The following CCBE1 variants were observed in gnomAD, a reference collection of about 807,000 sequenced individuals.
CCBE1 encodes the protein collagen and calcium-binding EGF domain-containing protein 1.
Under a neutral mutation model 50.0 loss-of-function variants are expected in CCBE1, and 37 were observed. The observed-to-expected ratio is 0.74, with a 90% CI of 0.57 to 0.97. The LOEUF (loss-of-function observed/expected upper bound fraction) is 0.97, where lower values mean the gene tolerates loss of function less well. Among genes scored for constraint, CCBE1 ranks in the 50% least tolerant of loss-of-function variants. CCBE1 has a pLI of 0.00. For missense variants in CCBE1, 538 were observed against 523.8 expected, an observed-to-expected ratio of 1.03 and a Z score of -0.26; for synonymous variants, 234 against 203.7, an observed-to-expected ratio of 1.15 and a Z score of -1.27.
intron 2 of CCBE1, among the ~76,000 whole-genome samples, chr18:59,606,210 C>T (rs1376226810): frequency 6.6e-6 from 1 of 152,168 alleles, no homozygotes; most frequent in Non-Finnish European, 1.5e-5. Flanking sequence ...TTGCATACTC[C>T]ATGAGAGACC....
chr18:59,444,704 A>G (rs951028842), intron 7 of CCBE1, among the ~76,000 whole-genome samples: 4 of 151,728 alleles, frequency 2.6e-5, no homozygotes, highest in South Asian at 4.2e-4. Flanking sequence ...GGGTCTCCCT[A>G]TGTTTCCCAA....
intron 2 of CCBE1, among the ~76,000 whole-genome samples, chr18:59,638,409 T>C (rs1454580653): frequency 6.6e-6 from 1 of 152,212 alleles, no homozygotes; most frequent in Non-Finnish European, 1.5e-5. Flanking sequence ...GAACGGTTCT[T>C]GAAGTGTGGT....
At chr18:59,626,457 C>T (rs2053786396) in intron 2 of CCBE1, among the ~76,000 whole-genome samples, 1 of 152,210 alleles carries the variant, frequency 6.6e-6, no homozygotes, top group Admixed American at 6.5e-5. Context: ...GCAATGAACA[C>T]TTATCAGGCT....
At chr18:59,597,050 A>T (rs1229613242) in intron 2 of CCBE1, among the ~76,000 whole-genome samples, 1 of 152,242 alleles carries the variant, frequency 6.6e-6, no homozygotes, top group Non-Finnish European at 1.5e-5. Flanking sequence ...TTCCACATGC[A>T]TTTAATCTTG....
intron 2 of CCBE1, among the ~76,000 whole-genome samples, chr18:59,515,600 A>C (rs960997084): frequency 6.6e-6 from 1 of 152,230 alleles, no homozygotes; most frequent in Non-Finnish European, 1.5e-5. Context: ...AAGTTTGATG[A>C]AAATTAATTA....
rs368447218 is a variant in CCBE1, at chr18:59,562,790, TG to T, written c.213-82553del. ...GCTGTCCCTAATTCAGTGGCCTTCA[TG>T]CAGGGGGTGTGGAAAGCCTCCCTCA... On this transcript the variant is annotated intron_variant, in intron 2 of 10. Transcript: ENST00000439986. Among the ~76,000 whole-genome samples, 140 of 152,308 alleles carry T rather than the reference TG, an allele frequency of 9.2e-4. 1 individual carries two copies. The highest frequency in any genetic ancestry group is 3.0e-3 in the African/African-American group (125 of 41,568).
At chr18:59,582,101 G>A (rs2053092968) in intron 2 of CCBE1, among the ~76,000 whole-genome samples, 1 of 152,126 alleles carries the variant, frequency 6.6e-6, no homozygotes, top group Admixed American at 6.5e-5. Flanking sequence ...GTCTGCCACT[G>A]TGCCTCATAG....
At chr18:59,691,962 C>T (rs1447163622) in intron 2 of CCBE1, among the ~76,000 whole-genome samples, 1 of 150,066 alleles carries the variant, frequency 6.7e-6, no homozygotes, top group Non-Finnish European at 1.5e-5. Context: ...CAGGCTATGC[C>T]TTCCACTGGC....
intron 7 of CCBE1, among the ~76,000 whole-genome samples, chr18:59,443,838 C>A (rs1324535348): frequency 2.0e-5 from 3 of 152,082 alleles, no homozygotes. Flanking sequence ...TGCAACAGAT[C>A]TCTATAACTT....
intron 2 of CCBE1, among the ~76,000 whole-genome samples, chr18:59,644,752 G>A (rs2144653128): frequency 6.6e-6 from 1 of 152,108 alleles, no homozygotes; most frequent in Non-Finnish European, 1.5e-5. Context: ...CAGCTTTTGG[G>A]GGAACAGGTG....
chr18:59,633,507 G>A (rs1432163893), intron 2 of CCBE1, among the ~76,000 whole-genome samples: 4 of 152,150 alleles, frequency 2.6e-5, no homozygotes, highest in African/African-American at 4.8e-5. Context: ...GGCCCATGCC[G>A]AGAACAGAAC....
intron 2 of CCBE1, among the ~76,000 whole-genome samples, chr18:59,502,014 A>C (rs1913646048): frequency 6.6e-6 from 1 of 152,110 alleles, no homozygotes. Context: ...GCTCAGGCTG[A>C]TCTTAAACTC....
rs1555690344 is a variant in CCBE1, at chr18:59,543,846, A to AAAAAG, written c.213-63609_213-63608insCTTTT. ...CGAGACTCCGTCTCAAAAAAAAAAAAAAAAAAAAAAAACAGAAAACACTAA... is the reference window on the plus strand; with the variant it reads ...CGAGACTCCGTCTCAAAAAAAAAAAAAAAAGAAAAAAAAAAAACAGAAAACACTAA... On this transcript the variant is annotated intron_variant, in intron 2 of 10. Coordinates refer to ENST00000439986, the MANE Select transcript of CCBE1 (RefSeq NM_133459.4). Among the ~76,000 whole-genome samples, 137 of 140,598 alleles carry AAAAAG rather than the reference A, an allele frequency of 9.7e-4. 3 individuals are homozygous for AAAAAG. The highest frequency in any genetic ancestry group is 1.2e-3 in the Non-Finnish European group (77 of 66,150). The allele number at this position is 140,598 out of a possible 152,430, so 92.2% of individuals were successfully genotyped here. A position where few individuals can be genotyped will look rare whatever the true frequency, so the allele number is the denominator to read the frequency against.
chr18:59,552,231 C>T (rs1335951458), intron 2 of CCBE1, among the ~76,000 whole-genome samples: 3 of 152,190 alleles, frequency 2.0e-5, no homozygotes, highest in African/African-American at 7.2e-5. Context: ...GCTTCGGGCA[C>T]ATTCTACCAG....
chr18:59,493,838 G>T (rs1913224574), intron 2 of CCBE1, among the ~76,000 whole-genome samples: 1 of 152,188 alleles, frequency 6.6e-6, no homozygotes, highest in Admixed American at 6.5e-5. Flanking sequence ...AGAGCTAATT[G>T]AATCATGAGG....
intron 2 of CCBE1, among the ~76,000 whole-genome samples, chr18:59,689,235 G>A (rs1451309071): frequency 6.6e-6 from 1 of 152,178 alleles, no homozygotes; most frequent in African/African-American, 2.4e-5. Flanking sequence ...CCACGGGGCT[G>A]ACATCCGTCC....
At chr18:59,546,688 A>G (rs1033353622) in intron 2 of CCBE1, among the ~76,000 whole-genome samples, 1 of 152,160 alleles carries the variant, frequency 6.6e-6, no homozygotes, top group African/African-American at 2.4e-5. Flanking sequence ...ATCCCTTCCC[A>G]CATTATATCT....
Position 59,697,235 on chromosome 18 carries a change from T to G in CCBE1, c.108A>C (p.Arg36Ser). Residue 36 changes from arginine to serine, a missense_variant, in exon 1 of 11, where the codon AGA becomes AGC. Coordinates refer to ENST00000439986, the MANE Select transcript of CCBE1 (RefSeq NM_133459.4). ...LLALGHTWTY[R>S]EEPEDGDREI... ...ACCTGTCGCCGTCCTCCGGCTCCTCTCTGTAGGTCCACGTGTGTCCCAACG... is the reference window on the plus strand; with the variant it reads ...ACCTGTCGCCGTCCTCCGGCTCCTCGCTGTAGGTCCACGTGTGTCCCAACG... The G allele has an allele frequency of 1.3e-6, 2 of 1,549,150 alleles. No individual in the cohort carries two copies. The highest frequency in any genetic ancestry group is 1.7e-6 in the Non-Finnish European group (2 of 1,146,720).
intron 2 of CCBE1, among the ~76,000 whole-genome samples, chr18:59,611,268 G>A (rs1462271386): frequency 6.6e-6 from 1 of 152,228 alleles, no homozygotes; most frequent in Non-Finnish European, 1.5e-5. Flanking sequence ...TGCCAGCCAG[G>A]ACTAGAGAGA....
Sources: allele counts gnomAD v4.1 joint callset (sites outside exome capture counted in the v4.1 genomes callset), GRCh38; gene constraint gnomAD v4.1.1; transcripts MANE v1.5; gene names NCBI Gene and HGNC (gene_info 2026-07-23, HGNC 2026-07-21).